Variants in DYRK1A observed in about 807,000 individuals in gnomAD.
DYRK1A encodes dual specificity tyrosine-phosphorylation-regulated kinase 1A.
Under a neutral mutation model 79.7 loss-of-function variants are expected in DYRK1A, and 9 were observed. The observed-to-expected ratio is 0.11, with a 90% confidence interval of 0.07 to 0.20. The LOEUF (loss-of-function observed/expected upper bound fraction) is 0.20, where lower values mean the gene tolerates loss of function less well. DYRK1A is among the 10% of genes least tolerant of loss of function. DYRK1A has a pLI of 1.00. For missense variants in DYRK1A, 622 were observed against 956.0 expected (o/e 0.65, Z 4.61); for synonymous variants, 349 against 329.7 (o/e 1.06, Z -0.63).
intron 3 of DYRK1A, among the ~76,000 whole-genome samples, chr21:37,477,262 C>G (rs1043765399): frequency 6.6e-6 from 1 of 152,156 alleles, no homozygotes; most frequent in Non-Finnish European, 1.5e-5. Context: ...CACAAATGTC[C>G]AGAAGAGTTG....
At chr21:37,366,563 C>G (rs564040235), upstream of DYRK1A, among the ~76,000 whole-genome samples, 72 of 151,388 alleles carry the variant, frequency 4.8e-4, no homozygotes, top group African/African-American at 1.5e-3. Context: ...CTCTGACACT[C>G]GTAGCGGACC....
At chr21:37,460,781 A>G (rs2051814106) in intron 2 of DYRK1A, among the ~76,000 whole-genome samples, 2 of 152,182 alleles carry the variant, frequency 1.3e-5, no homozygotes, top group Non-Finnish European at 2.9e-5. Flanking sequence ...AATTTTCATG[A>G]CTGCCAATAA....
chr21:37,410,144 A>G (rs1277749678), intron 1 of DYRK1A, among the ~76,000 whole-genome samples: 3 of 152,202 alleles, frequency 2.0e-5, no homozygotes, highest in African/African-American at 7.2e-5. Flanking sequence ...GGCTGTGGAG[A>G]TCATAAATTG....
At chr21:37,367,824 G>T (rs976382649) in intron 1 of DYRK1A, among the ~76,000 whole-genome samples, 196 bp downstream of exon 1, 2 of 151,154 alleles carry the variant, frequency 1.3e-5, no homozygotes, top group African/African-American at 4.8e-5. Context: ...GGGCGCGAGC[G>T]GAGGGAAAGT....
chr21:37,511,513 C>CG (rs995447985), intron 11 of DYRK1A, among the ~76,000 whole-genome samples: 1 of 152,046 alleles, frequency 6.6e-6, no homozygotes, highest in African/African-American at 2.4e-5. Context: ...AGATAGTAGT[C>CG]CTTTATTGAA....
intron 9 of DYRK1A, among the ~76,000 whole-genome samples, chr21:37,499,930 A>G (rs896627366): frequency 6.6e-6 from 1 of 152,200 alleles, no homozygotes; most frequent in Non-Finnish European, 1.5e-5. Flanking sequence ...TCAAAAATAC[A>G]GTATTCCCTG....
At chr21:37,464,330 A>G in intron 2 of DYRK1A, 1 of 477,964 alleles carries the variant, frequency 2.1e-6, no homozygotes, top group Non-Finnish European at 4.1e-6. Flanking sequence ...GCTAGAACAT[A>G]GTAACGTGGC....
intron 11 of DYRK1A, among the ~76,000 whole-genome samples, chr21:37,509,281 C>T (rs1171276989): frequency 1.3e-5 from 2 of 152,162 alleles, no homozygotes; most frequent in Admixed American, 6.5e-5. Flanking sequence ...ACCAGGCAAA[C>T]GCTTTCAGAA....
intron 6 of DYRK1A, chr21:37,488,440 T>G (rs2052954069): frequency 1.4e-6 from 1 of 712,870 alleles, no homozygotes. Context: ...TTTATTGTCT[T>G]GTCTTTGAAC....
chr21:37,448,466 G>T (rs924006520), intron 2 of DYRK1A, among the ~76,000 whole-genome samples: 6 of 152,106 alleles, frequency 3.9e-5, no homozygotes, highest in Non-Finnish European at 5.9e-5. Flanking sequence ...ATCTACATTT[G>T]TAAAAGCTCT....
intron 1 of DYRK1A, among the ~76,000 whole-genome samples, chr21:37,414,634 CT>C (rs976973506): frequency 6.8e-4 from 104 of 152,178 alleles, no homozygotes; most frequent in African/African-American, 2.2e-3. Flanking sequence ...TTAATGTAGA[CT>C]TTTAACCAAC....
chr21:37,366,107 G>T (rs1602333238), upstream of DYRK1A: 2 of 151,952 alleles, frequency 1.3e-5, no homozygotes, highest in Admixed American at 6.5e-5. Context: ...CCAGCCCTTC[G>T]AAGAACCGGC....
chr21:37,496,351 T>C, intron 9 of DYRK1A, 93 bp downstream of exon 9: 1 of 1,324,860 alleles, frequency 7.5e-7, no homozygotes, highest in Non-Finnish European at 1.0e-6. Context: ...TTGAAATCAG[T>C]GTGTTTCAGT....
At chr21:37,437,286 AT>A (rs2050951945) in intron 2 of DYRK1A, among the ~76,000 whole-genome samples, 1 of 152,202 alleles carries the variant, frequency 6.6e-6, no homozygotes, top group Admixed American at 6.5e-5. Context: ...CAAAATAGAC[AT>A]TTCTTTGATT....
chr21:37,366,589 T>C (rs1451817955), upstream of DYRK1A, among the ~76,000 whole-genome samples: 1 of 151,314 alleles, frequency 6.6e-6, no homozygotes, highest in East Asian at 2.0e-4. Context: ...TCCGAATTTA[T>C]CCTTCACGTG....
chr21:37,488,697 A>G, intron 6 of DYRK1A: 2 of 985,432 alleles, frequency 2.0e-6, no homozygotes, highest in South Asian at 4.7e-5. Flanking sequence ...TGTGAGGTCA[A>G]GTGAAACTAA....
intron 9 of DYRK1A, chr21:37,501,682 T>C (rs1041353123): frequency 4.6e-5 from 7 of 152,228 alleles, no homozygotes; most frequent in African/African-American, 1.7e-4. Context: ...AATGTGTCTT[T>C]GTGAATGTTT....
At chr21:37,367,972 C>A in intron 1 of DYRK1A, 1 of 163,894 alleles carries the variant, frequency 6.1e-6, no homozygotes, top group South Asian at 1.7e-4. Flanking sequence ...TCTTCCTCCT[C>A]ATCCTCTTCC....
At chr21:37,381,223 A>T (rs2049652150) in intron 1 of DYRK1A, among the ~76,000 whole-genome samples, 1 of 152,206 alleles carries the variant, frequency 6.6e-6, no homozygotes, top group South Asian at 2.1e-4. Flanking sequence ...CAGTAGGAAG[A>T]TGTTTGTTGG....
Sources: gnomAD v4.1 joint callset for allele counts (sites outside exome capture counted in the v4.1 genomes callset) on GRCh38, gnomAD v4.1.1 for gene constraint, MANE v1.5 for transcripts, NCBI Gene and HGNC (gene_info 2026-07-23, HGNC 2026-07-21) for gene names.